The following SYT14 variants were observed in gnomAD, a reference collection of about 807,000 sequenced individuals.
SYT14 encodes synaptotagmin 14.
SYT14 carries 32 observed loss-of-function variants against 74.2 expected under a neutral mutation model. The observed-to-expected ratio is 0.43, with a 90% CI of 0.33 to 0.58. SYT14 has a LOEUF of 0.58. Ranked by LOEUF, SYT14 falls within the 20% of genes least tolerant of loss-of-function variation. The probability of loss-of-function intolerance (pLI) is 0.05; values close to 1 mark genes in which losing one functional copy is unlikely to be tolerated. For missense variants in SYT14, 791 were observed against 981.8 expected (o/e 0.81, Z 2.60); for synonymous variants, 298 against 337.7 (o/e 0.88, Z 1.29).
chr1:210,027,697 T>A (rs2080444211), intron 5 of SYT14, among the ~76,000 whole-genome samples: 2 of 152,140 alleles, frequency 1.3e-5, no homozygotes, highest in African/African-American at 4.8e-5. Context: ...TATGAACATC[T>A]CTCCTCTAAG....
At chr1:210,078,197 C>G (rs2081542843) in intron 5 of SYT14, among the ~76,000 whole-genome samples, 1 of 150,332 alleles carries the variant, frequency 6.7e-6, no homozygotes, top group Non-Finnish European at 1.5e-5. Flanking sequence ...GTAGTCCCAG[C>G]TACTCGGGAG....
At chr1:209,994,828 C>T (rs893407841) in intron 2 of SYT14, among the ~76,000 whole-genome samples, 1 of 152,140 alleles carries the variant, frequency 6.6e-6, no homozygotes, top group African/African-American at 2.4e-5. Context: ...AAATTGGGGG[C>T]CTATTTTCAA....
intron 1 of SYT14, among the ~76,000 whole-genome samples, chr1:209,949,712 C>A (rs1368299808): frequency 6.6e-6 from 1 of 151,672 alleles, no homozygotes; most frequent in East Asian, 1.9e-4. Flanking sequence ...CCTTAGTATT[C>A]CTGTTCATTT....
At chr1:209,950,225 T>C (rs1025037619) in intron 1 of SYT14, among the ~76,000 whole-genome samples, 2 of 152,202 alleles carry the variant, frequency 1.3e-5, no homozygotes, top group African/African-American at 4.8e-5. Context: ...GTGTAACTTC[T>C]AGAGAATAAG....
At chr1:210,050,636 G>A (rs762574635) in intron 5 of SYT14, among the ~76,000 whole-genome samples, 6 of 152,148 alleles carry the variant, frequency 3.9e-5, no homozygotes, top group Admixed American at 6.5e-5. Context: ...TTTATTGGAC[G>A]TACAGTATCA....
intron 2 of SYT14, chr1:209,965,837 A>C (rs756338463): frequency 3.2e-5 from 14 of 437,518 alleles, no homozygotes; most frequent in South Asian, 5.0e-5. Flanking sequence ...TTTTGTATCA[A>C]ATCAATAGAT....
chr1:210,059,200 C>G (rs1017233583), intron 5 of SYT14, among the ~76,000 whole-genome samples: 15 of 151,600 alleles, frequency 9.9e-5, no homozygotes, highest in African/African-American at 3.6e-4. Flanking sequence ...ATGAACTCTG[C>G]CTTAGGATCA....
At chr1:209,976,753 T>C (rs866758030) in intron 2 of SYT14, among the ~76,000 whole-genome samples, 1 of 152,220 alleles carries the variant, frequency 6.6e-6, no homozygotes, top group Non-Finnish European at 1.5e-5. Context: ...AATTCCTGGA[T>C]ATCCTTGTTA....
chr1:210,115,678 A>G (rs1313883029), intron 7 of SYT14, among the ~76,000 whole-genome samples: 2 of 151,280 alleles, frequency 1.3e-5, no homozygotes, highest in African/African-American at 4.9e-5. Context: ...GTTGGAGAAG[A>G]GAGTAAAAAG....
At chr1:209,976,913 G>T (rs1214732418) in intron 2 of SYT14, among the ~76,000 whole-genome samples, 2 of 152,064 alleles carry the variant, frequency 1.3e-5, no homozygotes, top group Non-Finnish European at 2.9e-5. Flanking sequence ...TATATATTTA[G>T]GATAGTTAGC....
intron 7 of SYT14, among the ~76,000 whole-genome samples, chr1:210,102,574 G>C (rs2082087260): frequency 6.6e-6 from 1 of 152,092 alleles, no homozygotes; most frequent in African/African-American, 2.4e-5. Context: ...GGGAGATCTT[G>C]TAATTGCAGT....
At chr1:210,143,601 G>A (rs2082966920) in intron 7 of SYT14, among the ~76,000 whole-genome samples, 1 of 152,102 alleles carries the variant, frequency 6.6e-6, no homozygotes, top group East Asian at 1.9e-4. Context: ...TTACTTAAGT[G>A]TAATACTGTA....
intron 5 of SYT14, among the ~76,000 whole-genome samples, chr1:210,031,799 A>G (rs926222726): frequency 6.6e-6 from 1 of 152,104 alleles, no homozygotes; most frequent in African/African-American, 2.4e-5. Context: ...CTTTTACCTG[A>G]TTAATGCCTG....
Position 209,975,089 on chromosome 1 carries a change from C to T in SYT14, c.-486+22333C>T, listed in dbSNP as rs201251948. On this transcript the variant is annotated intron_variant, in intron 2 of 9. Coordinates refer to ENST00000637265, the Ensembl canonical transcript of SYT14. ...TATCCTGAGACTTTGCTGAAGTTGCCTATCGGCTTAAGGAGATTTTGGGCT... is the reference window on the plus strand; with the variant it reads ...TATCCTGAGACTTTGCTGAAGTTGCTTATCGGCTTAAGGAGATTTTGGGCT... Among the ~76,000 whole-genome samples the T allele has an allele frequency of 1.0e-3, 158 of 152,206 alleles. 5 individuals carry two copies. In the East Asian group the frequency reaches 0.02, roughly 20 times the overall value.
At position 210,052,191 on chromosome 1, in the gene SYT14, T is replaced by C. The variant is rs193250307; in HGVS notation, c.1312+30937T>C. On this transcript the variant is annotated intron_variant, in intron 5 of 9. Transcript: ENST00000637265. The stretch of plus-strand genomic sequence containing the variant: ...GTATATTCTGGCTGTTTGAGTTTTT[T>C]CCCCCATGACAAAGTGTTTGGAGCA... 1.8e-3 allele frequency among the ~76,000 whole-genome samples: 273 copies of C among 152,180 alleles called. 3 individuals are homozygous for C. Among genetic ancestry groups the C allele is most frequent in the Admixed American group, 0.017 (267 of 15,298 alleles).
At chr1:209,944,347 A>G (rs1002464678) in intron 1 of SYT14, among the ~76,000 whole-genome samples, 3 of 152,228 alleles carry the variant, frequency 2.0e-5, no homozygotes, top group African/African-American at 7.2e-5. Flanking sequence ...GAGTAGCTCA[A>G]AAGTTGGAAA....
intron 1 of SYT14, among the ~76,000 whole-genome samples, chr1:209,938,757 T>C (rs2078679511): frequency 6.6e-6 from 1 of 152,042 alleles, no homozygotes; most frequent in Non-Finnish European, 1.5e-5. Flanking sequence ...TTTGTCCCAT[T>C]CCTAACCCTT....
chr1:210,138,228 C>T (rs1450403886), intron 7 of SYT14, among the ~76,000 whole-genome samples: 1 of 152,202 alleles, frequency 6.6e-6, no homozygotes, highest in African/African-American at 2.4e-5. Flanking sequence ...AGCAAAGTCA[C>T]ATCTTACATG....
intron 2 of SYT14, among the ~76,000 whole-genome samples, chr1:209,990,027 AT>A (rs1286184339): frequency 1.3e-5 from 2 of 152,152 alleles, no homozygotes; most frequent in East Asian, 3.8e-4. Context: ...ATATAAATCA[AT>A]TTTAATAAAC....
Sources: allele counts gnomAD v4.1 joint callset (sites outside exome capture counted in the v4.1 genomes callset), GRCh38; gene constraint gnomAD v4.1.1; transcripts MANE v1.5; gene names NCBI Gene and HGNC (gene_info 2026-07-23, HGNC 2026-07-21).